ZFP2: variants seen among roughly 807,000 people sequenced by gnomAD.
The protein encoded by ZFP2 is ZFP2 zinc finger protein.
A neutral mutation model predicts 36.1 loss-of-function variants in ZFP2; 33 were observed. That is an observed-to-expected ratio of 0.92 (90% CI 0.69 to 1.22). ZFP2 has a LOEUF of 1.22. ZFP2 is among the 50% of genes most tolerant of loss of function. ZFP2 has a pLI of 0.00. For missense variants in ZFP2, 522 were observed against 551.4 expected (o/e 0.95, Z 0.53); for synonymous variants, 170 against 178.0 (o/e 0.96, Z 0.36).
intron 1 of ZFP2, chr5:178,909,972 T>C (rs1183214277): frequency 7.1e-7 from 1 of 1,404,536 alleles, no homozygotes; most frequent in East Asian, 2.3e-5. Flanking sequence ...TACTGGAGAA[T>C]TGTTCTGGGT....
intron 1 of ZFP2, chr5:178,909,596 G>T: frequency 9.5e-7 from 1 of 1,049,618 alleles, no homozygotes; most frequent in South Asian, 2.5e-5. Flanking sequence ...CCCCAACAAA[G>T]GTGTGAAGTA....
At chr5:178,922,022 T>C in intron 4 of ZFP2, 1 of 690,848 alleles carries the variant, frequency 1.4e-6, no homozygotes, top group Non-Finnish European at 2.7e-6. Flanking sequence ...TTAAAGCTCC[T>C]TCCGCAGGCA....
At chr5:178,904,048 C>A (rs1758117084) in intron 1 of ZFP2, among the ~76,000 whole-genome samples, 1 of 151,806 alleles carries the variant, frequency 6.6e-6, no homozygotes, top group Non-Finnish European at 1.5e-5. Flanking sequence ...TAATATAAAT[C>A]TTTTTCTGTG....
Position 178,916,599 on chromosome 5 carries a change from A to T in ZFP2, c.-189A>T, listed in dbSNP as rs1228533001. 3.0e-6 allele frequency: 3 copies of T among 984,132 alleles called. No individual in the cohort carries two copies. The African/African-American group carries it at 5.3e-5, about 17-fold the overall frequency. The allele number at this position is 984,132 out of a possible 1,614,324, so 61.0% of individuals were successfully genotyped here. ...GATATTGCTGTCAGATTAATCTGAC[A>T]TTTAGTCCTCTCATTATCCTGTCCC... is the stretch of plus-strand genomic sequence containing the variant. On this transcript the variant is annotated 5_prime_UTR_variant, in exon 4 of 5. Coordinates refer to ENST00000361362, the MANE Select transcript of ZFP2 (RefSeq NM_030613.4).
intron 1 of ZFP2, among the ~76,000 whole-genome samples, chr5:178,899,775 CT>C (rs397968153): frequency 1.2e-3 from 172 of 143,538 alleles, no homozygotes; most frequent in Middle Eastern, 3.6e-3. Flanking sequence ...GCCCTAACTT[CT>C]TTTTTTTTTT....
At chr5:178,919,904 C>T (rs1184915683) in intron 4 of ZFP2, among the ~76,000 whole-genome samples, 1 of 151,840 alleles carries the variant, frequency 6.6e-6, no homozygotes, top group Admixed American at 6.6e-5. Flanking sequence ...GTGAAGGTTG[C>T]AGTGAGCCAA....
At chr5:178,919,783 G>A (rs6600996) in intron 4 of ZFP2, among the ~76,000 whole-genome samples, 32,393 of 151,864 alleles carry the variant, frequency 0.21, 3,755 homozygotes, top group Non-Finnish European at 0.24. Context: ...AAAACATGGC[G>A]AAACCCTTTC....
intron 4 of ZFP2, among the ~76,000 whole-genome samples, chr5:178,919,158 A>AAT (rs1284103823): frequency 7.7e-6 from 1 of 129,480 alleles, no homozygotes; most frequent in Non-Finnish European, 1.7e-5. Context: ...GTGCAATGCT[A>AAT]ATATTTTTGT....
At chr5:178,911,448 CT>C (rs1454249996) in intron 1 of ZFP2, among the ~76,000 whole-genome samples, 1 of 152,120 alleles carries the variant, frequency 6.6e-6, no homozygotes, top group African/African-American at 2.4e-5. Context: ...TTCGCCACCC[CT>C]GAGACAGCAA....
At chr5:178,927,338 G>A (rs557093476) in intron 4 of ZFP2, among the ~76,000 whole-genome samples, 2 of 152,204 alleles carry the variant, frequency 1.3e-5, no homozygotes, top group East Asian at 3.9e-4. Flanking sequence ...TCTAGATTGT[G>A]TCATCCTCCT....
rs774186641 is a variant in ZFP2 at position 178,932,106 on chromosome 5, A to G, written c.793A>G (p.Thr265Ala). The change falls in exon 5 of 5, where the codon ACT (threonine) becomes GCT (alanine). Residue 265 changes from threonine to alanine, a missense_variant. Coordinates refer to ENST00000361362, the MANE Select transcript of ZFP2 (RefSeq NM_030613.4). ...TCTTATTGTACATCAGAGAAGCCAT[A>G]CTGGAGAAAAACCCTATGAGTGTAG... is the stretch of plus-strand genomic sequence containing the variant. ...MHLIVHQRSH[T>A]GEKPYECSQC... 6.2e-7 allele frequency: 1 copy of G among 1,612,176 alleles called. No individual in the cohort carries two copies. The highest frequency in any genetic ancestry group is 1.7e-5 in the Admixed American group (1 of 59,992).
At chr5:178,916,421 T>C (rs1758432996) in intron 3 of ZFP2, 144 bp from the exon 4 acceptor site, 1 of 401,104 alleles carries the variant, frequency 2.5e-6, no homozygotes, top group Non-Finnish European at 3.4e-6. Context: ...TGGTTTGTTT[T>C]TTAACAAGGA....
intron 4 of ZFP2, among the ~76,000 whole-genome samples, chr5:178,924,491 C>T (rs567768283): frequency 6.7e-6 from 1 of 148,534 alleles, no homozygotes; most frequent in South Asian, 2.1e-4. Context: ...GTTATCGTAA[C>T]CACTGTGCCC....
At chr5:178,902,295 GCTTT>G (rs1207433012) in intron 1 of ZFP2, among the ~76,000 whole-genome samples, 3 of 152,164 alleles carry the variant, frequency 2.0e-5, no homozygotes, top group Non-Finnish European at 4.4e-5. Context: ...GTCCGTGTGT[GCTTT>G]CTATTATCAT....
chr5:178,917,053 T>C (rs1429927827), intron 4 of ZFP2, among the ~76,000 whole-genome samples: 8 of 152,218 alleles, frequency 5.3e-5, no homozygotes, highest in Non-Finnish European at 1.5e-5. Context: ...AGTATTTTCA[T>C]TGTAAACTGA....
At chr5:178,921,945 G>T in intron 4 of ZFP2, 1 of 518,134 alleles carries the variant, frequency 1.9e-6, no homozygotes, top group African/African-American at 1.9e-5. Flanking sequence ...TTTGATCTTT[G>T]TCTAACTTCT....
chr5:178,908,620 CAA>C (rs59116418), intron 1 of ZFP2, among the ~76,000 whole-genome samples: 82 of 77,118 alleles, frequency 1.1e-3, no homozygotes, highest in Non-Finnish European at 1.3e-3. Context: ...CTTCCCCTAC[CAA>C]AAAAAAAAAA....
At chr5:178,899,524 G>A (rs1199864194) in intron 1 of ZFP2, among the ~76,000 whole-genome samples, 2 of 152,080 alleles carry the variant, frequency 1.3e-5, no homozygotes, top group Non-Finnish European at 2.9e-5. Flanking sequence ...CTCTGCTGGA[G>A]TAGAAGAAAT....
Position 178,931,849 on chromosome 5 carries a change from C to G in ZFP2, c.536C>G (p.Thr179Ser). ...ATGAATCTTACTGTCCATCAACGAA[C>G]TCACACCGGAGAGAAACCCTATCAG... ...QSMNLTVHQR[T>S]HTGEKPYQCK... The change falls in exon 5 of 5, where the codon ACT (threonine) becomes AGT (serine). Residue 179 changes from threonine to serine, a missense_variant. Physicochemically the swap from Thr to Ser is moderately conservative, Grantham distance 58. Transcript: ENST00000361362. 2 of 1,612,482 alleles carry G rather than the reference C, an allele frequency of 1.2e-6. No individual in the cohort carries two copies. The highest frequency in any genetic ancestry group is 1.7e-6 in the Non-Finnish European group (2 of 1,178,806).
Sources: allele counts gnomAD v4.1 joint callset (sites outside exome capture counted in the v4.1 genomes callset), GRCh38; gene constraint gnomAD v4.1.1; transcripts MANE v1.5; gene names NCBI Gene and HGNC (gene_info 2026-07-23, HGNC 2026-07-21).